The following SLC4A4 variants were observed in gnomAD, a reference collection of about 807,000 sequenced individuals.
The protein encoded by SLC4A4 is solute carrier family 4 member 4.
In SLC4A4, 27 loss-of-function variants were observed where a neutral mutation model predicts 111.5. The ratio of observed to expected loss-of-function variants is 0.24; its 90% CI spans 0.18 to 0.33. SLC4A4 has a LOEUF of 0.33. Among genes scored for constraint, SLC4A4 ranks in the 10% least tolerant of loss-of-function variants. SLC4A4 has a pLI of 1.00. For missense variants in SLC4A4, 909 were observed against 1,315.5 expected (o/e 0.69, Z 4.78); for synonymous variants, 443 against 463.4 (o/e 0.96, Z 0.57).
At chr4:71,162,871 T>C (rs1486115450) in intron 2 of SLC4A4, among the ~76,000 whole-genome samples, 2 of 152,248 alleles carry the variant, frequency 1.3e-5, no homozygotes, top group Non-Finnish European at 2.9e-5. Context: ...CTTTTTCGCC[T>C]GCTCTATTGC....
At chr4:71,469,478 C>T (rs539527945) in intron 13 of SLC4A4, among the ~76,000 whole-genome samples, 3 of 151,954 alleles carry the variant, frequency 2.0e-5, no homozygotes, top group South Asian at 4.1e-4. Context: ...TTTTATGCTA[C>T]TGAGAAACTA....
At chr4:71,520,221 A>G (rs1732802154) in intron 16 of SLC4A4, among the ~76,000 whole-genome samples, 1 of 152,224 alleles carries the variant, frequency 6.6e-6, no homozygotes, top group Admixed American at 6.5e-5. Context: ...GTTGAGTGAC[A>G]ATGTTCTTGC....
At chr4:71,342,419 C>T (rs1167621523) in intron 4 of SLC4A4, among the ~76,000 whole-genome samples, 1 of 152,160 alleles carries the variant, frequency 6.6e-6, no homozygotes, top group Admixed American at 6.5e-5. Flanking sequence ...CTAGTCTTGG[C>T]TTTGCTGCTC....
intron 7 of SLC4A4, among the ~76,000 whole-genome samples, chr4:71,430,159 T>C (rs1202286076): frequency 1.3e-5 from 2 of 152,138 alleles, no homozygotes; most frequent in East Asian, 1.9e-4. Context: ...TTGGTGTGTC[T>C]TGTGACCTCC....
At chr4:71,492,297 C>A (rs1289594576) in intron 15 of SLC4A4, among the ~76,000 whole-genome samples, 1 of 151,924 alleles carries the variant, frequency 6.6e-6, no homozygotes, top group Non-Finnish European at 1.5e-5. Context: ...TATTATCCCT[C>A]ACTTTTTCCT....
chr4:71,375,926 G>C (rs899941304), intron 6 of SLC4A4, among the ~76,000 whole-genome samples: 1 of 151,566 alleles, frequency 6.6e-6, no homozygotes, highest in African/African-American at 2.4e-5. Context: ...TTATACTGTA[G>C]TCCTGATTCT....
At chr4:71,358,117 A>G (rs981569678) in intron 6 of SLC4A4, among the ~76,000 whole-genome samples, 1 of 152,140 alleles carries the variant, frequency 6.6e-6, no homozygotes, top group Non-Finnish European at 1.5e-5. Context: ...GATGGAGACC[A>G]TCCTGGCTAA....
In SLC4A4 at chr4:71,259,946, A is replaced by G. The variant is rs559573261; in HGVS notation, c.253+4547A>G. Among the ~76,000 whole-genome samples the G allele has an allele frequency of 1.5e-4, 23 of 152,302 alleles. No homozygotes were observed. In the East Asian group the frequency reaches 4.3e-3, roughly 28 times the overall value. On this transcript the variant is annotated intron_variant, in intron 3 of 25. Transcript: ENST00000264485. ...TCTTGACAAGCATGAACATGCATTC[A>G]TGCTTGGAGGTGCTAACTGCCTCTC... is the stretch of plus-strand genomic sequence containing the variant.
intron 6 of SLC4A4, among the ~76,000 whole-genome samples, chr4:71,382,671 A>T (rs1718267402): frequency 6.6e-6 from 1 of 152,186 alleles, no homozygotes; most frequent in Non-Finnish European, 1.5e-5. Context: ...CTGGCTATGT[A>T]TAATGTTATA....
At chr4:71,404,221 A>G (rs971690470) in intron 7 of SLC4A4, among the ~76,000 whole-genome samples, 3 of 152,206 alleles carry the variant, frequency 2.0e-5, no homozygotes, top group Admixed American at 1.3e-4. Flanking sequence ...AACATGAGGC[A>G]TGCCAACTGG....
At chr4:71,258,232 G>A (rs1461550638) in intron 3 of SLC4A4, among the ~76,000 whole-genome samples, 1 of 152,122 alleles carries the variant, frequency 6.6e-6, no homozygotes, top group Admixed American at 6.5e-5. Context: ...CTGCCTCAGG[G>A]CCTTTGTTCA....
At chr4:71,269,053 G>A (rs1478338061) in intron 3 of SLC4A4, among the ~76,000 whole-genome samples, 2 of 152,160 alleles carry the variant, frequency 1.3e-5, no homozygotes, top group Non-Finnish European at 2.9e-5. Flanking sequence ...ATGCTGTGTT[G>A]GGAGTCAGAA....
At chr4:71,368,889 T>C (rs1731583235) in intron 6 of SLC4A4, among the ~76,000 whole-genome samples, 1 of 152,126 alleles carries the variant, frequency 6.6e-6, no homozygotes, top group Non-Finnish European at 1.5e-5. Flanking sequence ...GGAGGGAGTG[T>C]GTGTCTTTGT....
chr4:71,380,742 A>G (rs1171095103), intron 6 of SLC4A4, among the ~76,000 whole-genome samples: 1 of 152,168 alleles, frequency 6.6e-6, no homozygotes, highest in Admixed American at 6.5e-5. Flanking sequence ...GTTGGGGGGA[A>G]CAGGGTTTGA....
chr4:71,155,266 T>C (rs762029050), intron 2 of SLC4A4, among the ~76,000 whole-genome samples: 1 of 152,184 alleles, frequency 6.6e-6, no homozygotes, highest in Non-Finnish European at 1.5e-5. Flanking sequence ...CTTGTGGTTC[T>C]TTCATCTGTG....
At position 71,328,078 on chromosome 4, in the gene SLC4A4, C is replaced by T. The variant is rs1238889264; in HGVS notation, c.254-11292C>T. Among the ~76,000 whole-genome samples, 9 of 151,928 alleles carry T rather than the reference C, an allele frequency of 5.9e-5. No homozygotes were observed. In the South Asian group the frequency reaches 8.3e-4, roughly 14 times the overall value. The stretch of plus-strand genomic sequence containing the variant: ...TTTAGTTTCCACAAATAAGTGAGGA[C>T]GTGCAAAATTTGTCTGGCTTATTTC... On this transcript the variant is annotated intron_variant, in intron 3 of 25. Transcript: ENST00000264485.
At chr4:71,473,299 G>T in intron 14 of SLC4A4, 1 of 585,502 alleles carries the variant, frequency 1.7e-6, no homozygotes. Context: ...TGTATTAACA[G>T]ATATAAATAT....
intron 2 of SLC4A4, among the ~76,000 whole-genome samples, chr4:71,130,349 C>A (rs893251472): frequency 6.6e-5 from 10 of 152,104 alleles, no homozygotes; most frequent in Admixed American, 6.5e-4. Flanking sequence ...ACCACCTCAG[C>A]CTCCTGAATA....
chr4:71,110,061 A>G (rs1476915164), intron 2 of SLC4A4, among the ~76,000 whole-genome samples: 1 of 152,002 alleles, frequency 6.6e-6, no homozygotes, highest in Non-Finnish European at 1.5e-5. Context: ...GAAGTTGCAA[A>G]TCTTCAATAG....
Sources: gnomAD v4.1 joint callset for allele counts (sites outside exome capture counted in the v4.1 genomes callset) on GRCh38, gnomAD v4.1.1 for gene constraint, MANE v1.5 for transcripts, NCBI Gene and HGNC (gene_info 2026-07-23, HGNC 2026-07-21) for gene names.